The following REPS2 variants were observed in gnomAD, a reference collection of about 807,000 sequenced individuals.
REPS2 encodes the protein ralBP1-associated Eps domain-containing protein 2.
Under a neutral mutation model 53.6 loss-of-function variants are expected in REPS2, and 23 were observed. The ratio of observed to expected loss-of-function variants is 0.43; its 90% CI spans 0.31 to 0.61. The LOEUF is 0.61. Ranked by LOEUF, REPS2 falls within the 20% of genes least tolerant of loss-of-function variation. The probability of loss-of-function intolerance (pLI) is 0.11; values close to 1 mark genes in which losing one functional copy is unlikely to be tolerated. For missense variants in REPS2, 446 were observed against 534.9 expected (o/e 0.83, Z 1.64); for synonymous variants, 238 against 218.6 (o/e 1.09, Z -0.78).
intron 13 of REPS2, among the ~76,000 whole-genome samples, chrX:17,087,701 G>A (rs1199890554): frequency 4.5e-5 from 5 of 111,546 alleles, no homozygotes; most frequent in South Asian, 7.6e-4. Flanking sequence ...CTGGGAGGCC[G>A]AGGTGGGTGG....
chrX:17,180,367 T>C, the REPS2 span, among the ~76,000 whole-genome samples: 7 of 111,273 alleles, frequency 6.3e-5, no homozygotes, highest in Non-Finnish European at 1.1e-4. Context: ...ATCTGCTATA[T>C]ACTAAGCGAT....
chrX:17,048,034 T>C (rs1602795383), intron 6 of REPS2, among the ~76,000 whole-genome samples: 1 of 112,735 alleles, frequency 8.9e-6, no homozygotes, highest in South Asian at 3.6e-4. Context: ...TGAGTTCTCA[T>C]GTAAAATTCA....
chrX:16,952,801 C>G (rs184931479), intron 1 of REPS2, among the ~76,000 whole-genome samples: 48 of 111,519 alleles, frequency 4.3e-4, no homozygotes, highest in African/African-American at 1.5e-3. Context: ...TGTAACTATA[C>G]TTTAGGGAAA....
intron 9 of REPS2, 47 bp from the exon 10 acceptor site, chrX:17,068,355 A>T (rs776186620): frequency 2.8e-6 from 3 of 1,087,978 alleles, no homozygotes; most frequent in African/African-American, 1.8e-5. Flanking sequence ...CGCATCACTT[A>T]ATTTCTGTTC....
rs1397487694 is a variant in REPS2, at chrX:17,152,886, A to C, written c.*5405A>C. 1 of 112,901 alleles carries C rather than the reference A, an allele frequency of 8.9e-6. No individual in the cohort carries two copies. The highest frequency in any genetic ancestry group is 1.9e-5 in the Non-Finnish European group (1 of 53,336). 9.3% of individuals were successfully genotyped at this position (112,901 alleles called of 1,213,427 possible). On this transcript the variant is annotated 3_prime_UTR_variant, in exon 18 of 18. Transcript: ENST00000357277. ...TCTTCATAGCTATTGGCTAAGAGAG[A>C]TAATGAGCTGATGGTCTATTTTAAC...
rs1371102226 is a variant in REPS2, at chrX:16,988,124, A to G, written c.274-18097A>G. Among the ~76,000 whole-genome samples the G allele has an allele frequency of 2.7e-5, 3 of 109,913 alleles. No homozygotes were observed. The East Asian group carries it at 8.6e-4, about 31-fold the overall frequency. ...CCCCATCTCTACAAAAGTAAAAATA[A>G]AAAAAAAATTAGCAGGGTGTTATGG... On this transcript the variant is annotated intron_variant, in intron 1 of 17. Coordinates refer to ENST00000357277, the MANE Select transcript of REPS2 (RefSeq NM_004726.3).
chrX:17,047,362 A>G lies in REPS2; in HGVS notation c.787A>G (p.Arg263Gly). 1 of 1,210,117 alleles carries G rather than the reference A, an allele frequency of 8.3e-7. No homozygotes were observed. The highest frequency in any genetic ancestry group is 1.1e-6 in the Non-Finnish European group (1 of 894,298). Residue 263 changes from arginine to glycine, a missense_variant, in exon 6 of 18, where the codon AGG becomes GGG. By Grantham distance (125) the Arg-to-Gly change is moderately radical. Transcript: ENST00000357277. ...ATTCTTACAGTCCTTTTCAGTGGAGAGGGAACTACAGGATAACAGCAGTTA... is the reference window on the plus strand; with the variant it reads ...ATTCTTACAGTCCTTTTCAGTGGAGGGGGAACTACAGGATAACAGCAGTTA... ...ASLIRSFSVE[R>G]ELQDNSSYPD...
In REPS2 at chrX:17,030,312, A is replaced by AGG. The variant is rs746522908; in HGVS notation, c.771+691_771+692dup. 8.0e-5 allele frequency among the ~76,000 whole-genome samples: 4 copies of AGG among 49,719 alleles called. No homozygotes were observed. In the East Asian group the frequency reaches 4.6e-3, roughly 57 times the overall value. 43.2% of individuals were successfully genotyped at this position (49,719 alleles called of 115,157 possible). On this transcript the variant is annotated intron_variant, in intron 5 of 17. Coordinates refer to ENST00000357277, the MANE Select transcript of REPS2 (RefSeq NM_004726.3). ...GCTGGGGAAGTTATATTCTCAAAGA[A>AGG]GGGTGTGTGTGTGTGTGTGTGTGTG...
In REPS2 at chrX:16,968,608, C is replaced by T. The variant is rs1189715899; in HGVS notation, c.273+21474C>T. Among the ~76,000 whole-genome samples the T allele has an allele frequency of 1.2e-4, 12 of 101,365 alleles. No homozygotes were observed. The East Asian group carries it at 4.1e-3, about 35-fold the overall frequency. The allele number at this position is 101,365 out of a possible 115,157, so 88.0% of individuals were successfully genotyped here. On this transcript the variant is annotated intron_variant, in intron 1 of 17. Transcript: ENST00000357277. ...AGTAGGGGCGGCCAGGCAGAGGCGC[C>T]CCTCACCTCCTGGATGGGGCGGCTG...
chrX:17,001,210 C>A (rs991456611), intron 1 of REPS2, among the ~76,000 whole-genome samples: 3 of 112,374 alleles, frequency 2.7e-5, no homozygotes, highest in African/African-American at 6.5e-5. Context: ...GCTGACTTTT[C>A]AAGGGATAGA....
intron 1 of REPS2, among the ~76,000 whole-genome samples, chrX:16,961,732 G>C (rs920867444): frequency 2.7e-5 from 3 of 111,738 alleles, no homozygotes; most frequent in Non-Finnish European, 3.8e-5. Flanking sequence ...AAATATTTGC[G>C]ACCCATATAT....
At chrX:17,126,815 A>G (rs1439858098) in intron 14 of REPS2, among the ~76,000 whole-genome samples, 1 of 111,802 alleles carries the variant, frequency 8.9e-6, no homozygotes, top group Non-Finnish European at 1.9e-5. Context: ...CAGAGTGGCT[A>G]CAGAGGTAGT....
At chrX:17,172,973 GTA>G in the REPS2 span, among the ~76,000 whole-genome samples, 535 of 61,006 alleles carry the variant, frequency 8.8e-3, 5 homozygotes, top group African/African-American at 0.028. Context: ...CTGTGTGTAT[GTA>G]TGTGTGTGTG....
Position 16,964,045 on chromosome X carries a change from T to A in REPS2, c.273+16911T>A, listed in dbSNP as rs1206981334. Among the ~76,000 whole-genome samples, 10 of 108,751 alleles carry A rather than the reference T, an allele frequency of 9.2e-5. No homozygotes were observed. The South Asian group carries it at 3.6e-3, about 39-fold the overall frequency. 94.4% of individuals were successfully genotyped at this position (108,751 alleles called of 115,157 possible). A position where few individuals can be genotyped will look rare whatever the true frequency, so the allele number is the denominator to read the frequency against. On this transcript the variant is annotated intron_variant, in intron 1 of 17. Transcript: ENST00000357277. ...TAATTTTATTATTATTATTATTATT[T>A]TTTATTGATCATTCTTGGGTGTTTC...
intron 1 of REPS2, among the ~76,000 whole-genome samples, chrX:16,968,390 G>A (rs2060806437): frequency 8.9e-6 from 1 of 112,959 alleles, no homozygotes; most frequent in Non-Finnish European, 1.9e-5. Flanking sequence ...GCCGGGCAGA[G>A]GGGCTCCTCA....
intron 1 of REPS2, among the ~76,000 whole-genome samples, chrX:16,984,772 G>T (rs1381211620): frequency 9.1e-6 from 1 of 110,376 alleles, no homozygotes; most frequent in Non-Finnish European, 1.9e-5. Flanking sequence ...ACTAGCTGAG[G>T]CTTCTTGAAT....
At chrX:17,057,555 C>T (rs1712112350) in intron 8 of REPS2, among the ~76,000 whole-genome samples, 1 of 112,544 alleles carries the variant, frequency 8.9e-6, no homozygotes, top group Admixed American at 9.4e-5. Context: ...TGCTTTCTGC[C>T]TATTGCAGGC....
chrX:17,007,169 A>G (rs958166105), intron 2 of REPS2, among the ~76,000 whole-genome samples: 7 of 112,077 alleles, frequency 6.2e-5, no homozygotes, highest in Non-Finnish European at 9.4e-5. Flanking sequence ...TCTGATAGAC[A>G]TACAAGTGGA....
chrX:17,072,292 C>T (rs988067909), intron 11 of REPS2, among the ~76,000 whole-genome samples: 1 of 112,499 alleles, frequency 8.9e-6, no homozygotes, highest in East Asian at 2.8e-4. Flanking sequence ...ATTACTTTCA[C>T]CTTATCTGTC....
Sources: gnomAD v4.1 joint callset for allele counts (sites outside exome capture counted in the v4.1 genomes callset) on GRCh38, gnomAD v4.1.1 for gene constraint, MANE v1.5 for transcripts, NCBI Gene and HGNC (gene_info 2026-07-23, HGNC 2026-07-21) for gene names.